EVC: variants seen among roughly 807,000 people sequenced by gnomAD.
EVC encodes the protein EvC ciliary complex subunit 1, also known as evC complex member EVC.
EVC carries 116 observed loss-of-function variants against 118.9 expected under a neutral mutation model. The observed-to-expected ratio is 0.98, with a 90% CI of 0.84 to 1.14. The LOEUF is 1.14. Among genes scored for constraint, EVC ranks in the 50% most tolerant of loss-of-function variants. The pLI is 0.00. For synonymous variants in EVC, 619 were observed against 534.7 expected, an observed-to-expected ratio of 1.16 and a Z score of -2.18; for missense variants, 1,401 against 1,246.4, an observed-to-expected ratio of 1.12 and a Z score of -1.87.
At chr4:5,821,647 C>T in the EVC span, 1 of 979,624 alleles carries the variant, frequency 1.0e-6, no homozygotes, top group Admixed American at 2.3e-5. This position sits in a 1 kb window ranked among gnomAD's most constrained non-coding sequence, Gnocchi z 4.4. Context: ...CCTTCGACTT[C>T]CCCCTCCCTC....
rs369785566 is a variant in EVC at position 5,731,565 on chromosome 4, A to G, written c.525A>G (p.Ser175=). Residue 175 remains serine (S), a synonymous_variant, in exon 4 of 21, where the codon TCA becomes TCG. Coordinates refer to ENST00000264956, the MANE Select transcript of EVC (RefSeq NM_153717.3). The surrounding 1 kb of genome is among the most constrained non-coding windows in gnomAD (Gnocchi z 5.6). ...SQGEKDDCSS[S]SSVHSATSDD... Reference sequence around the variant, plus strand: ...GTGAGAAGGACGACTGCAGCTCCTCATCCAGCGTCCACTCGGCCACCAGCG... The same window carrying G: ...GTGAGAAGGACGACTGCAGCTCCTCGTCCAGCGTCCACTCGGCCACCAGCG... The G allele has an allele frequency of 1.9e-6, 3 of 1,613,886 alleles. No individual in the cohort carries two copies. Among genetic ancestry groups the G allele is most frequent in the African/African-American group, 1.3e-5 (1 of 74,876 alleles).
rs551627169 is a variant in EVC, at chr4:5,797,441, G to A, written c.2097+209G>A. On this transcript the variant is annotated intron_variant, in intron 14 of 20. Transcript: ENST00000264956. ...TCCCTGCTCACCATCCTGGAGGCCA[G>A]AATTCGGAGATCAGGGTGTGGGCAG... is the stretch of plus-strand genomic sequence containing the variant. 98 of 609,734 alleles carry A rather than the reference G, an allele frequency of 1.6e-4. No homozygotes were observed. The East Asian group carries it at 2.4e-3, about 15-fold the overall frequency. The allele number at this position is 609,734 out of a possible 1,614,324, so 37.8% of individuals were successfully genotyped here. A position where few individuals can be genotyped will look rare whatever the true frequency, so the allele number is the denominator to read the frequency against.
rs34541164 is a variant in EVC at position 5,749,294 on chromosome 4, T to C, written c.1098+988T>C. 0.41 allele frequency among the ~76,000 whole-genome samples: 60,971 copies of C among 148,144 alleles called. 13,374 individuals carry two copies. Among genetic ancestry groups the C allele is most frequent in the East Asian group, 0.62 (3,069 of 4,942 alleles). ...CCACATTGGAAGAAGAAGAATTGTC[T>C]TAGGCCACACATAAAATACATTAAC... On this transcript the variant is annotated intron_variant, in intron 8 of 20. Transcript: ENST00000264956. The surrounding 1 kb of genome is among the most constrained non-coding windows in gnomAD (Gnocchi z 4.4).
intron 15 of EVC, among the ~76,000 whole-genome samples, chr4:5,799,156 C>T (rs912674777): frequency 2.0e-5 from 3 of 152,132 alleles, no homozygotes; most frequent in East Asian, 3.9e-4. Context: ...GAAAGAGAGA[C>T]GTGTGCTTTC....
intron 17 of EVC, among the ~76,000 whole-genome samples, chr4:5,807,599 C>G (rs932402690): frequency 5.8e-4 from 89 of 152,226 alleles, no homozygotes; most frequent in African/African-American, 2.1e-3. Context: ...GGAGGTGGGC[C>G]CTGGGGCTCA....
intron 11 of EVC, among the ~76,000 whole-genome samples, chr4:5,758,520 T>C (rs1731527532): frequency 6.6e-6 from 1 of 152,186 alleles, no homozygotes; most frequent in Non-Finnish European, 1.5e-5. Context: ...GGGGCTCAAT[T>C]TGTCAAAGCC....
the EVC span, chr4:5,824,248 A>G: frequency 1.0e-6 from 1 of 976,024 alleles, no homozygotes; most frequent in South Asian, 4.7e-5. Flanking sequence ...TTTTCCCAGG[A>G]TGAAGCCAAT....
At chr4:5,753,661 C>T (rs1330260470) in intron 9 of EVC, 124 bp from the exon 10 acceptor site, 10 of 1,242,254 alleles carry the variant, frequency 8.0e-6, no homozygotes, top group Middle Eastern at 2.0e-4. Flanking sequence ...ACCAGCAGGG[C>T]GGGCACCATC....
chr4:5,732,130 A>C (rs1188650679), intron 4 of EVC, among the ~76,000 whole-genome samples: 1 of 143,316 alleles, frequency 7.0e-6, no homozygotes, highest in African/African-American at 2.4e-5. Flanking sequence ...CAGTTCACAA[A>C]GAATAAAGGG....
intron 12 of EVC, among the ~76,000 whole-genome samples, chr4:5,786,773 G>A (rs1391777174): frequency 2.0e-5 from 3 of 151,748 alleles, no homozygotes; most frequent in Non-Finnish European, 4.4e-5. Flanking sequence ...TCGGGAGGCT[G>A]AGGCAGGAGA....
rs1307850927 is a variant in EVC, at chr4:5,746,113, A to G, written c.939+772A>G. On this transcript the variant is annotated intron_variant, in intron 7 of 20. Transcript: ENST00000264956. The surrounding 1 kb of genome is among the most constrained non-coding windows in gnomAD (Gnocchi z 5.8). Reference sequence around the variant, plus strand: ...AAGAGGGCTGAGAGCAAGTCGAGGTAAGGTAAAGCCAGAGGGATCTGGCCA... The same window carrying G: ...AAGAGGGCTGAGAGCAAGTCGAGGTGAGGTAAAGCCAGAGGGATCTGGCCA... 2.0e-5 allele frequency among the ~76,000 whole-genome samples: 3 copies of G among 151,160 alleles called. No homozygotes were observed. Among genetic ancestry groups the G allele is most frequent in the Non-Finnish European group, 4.4e-5 (3 of 67,818 alleles).
chr4:5,767,254 T>A (rs71599820), intron 11 of EVC, among the ~76,000 whole-genome samples: 3 of 151,024 alleles, frequency 2.0e-5, no homozygotes, highest in African/African-American at 4.9e-5. Context: ...GCAGTCTGCC[T>A]GTTCTCAGAT....
chr4:5,773,989 G>A lies in EVC; in HGVS notation c.1564-9563G>A, dbSNP rs140930435. 1.4e-4 allele frequency among the ~76,000 whole-genome samples: 21 copies of A among 152,090 alleles called. No individual in the cohort carries two copies. The East Asian group carries it at 3.9e-3, about 28-fold the overall frequency. On this transcript the variant is annotated intron_variant, in intron 11 of 20. Coordinates refer to ENST00000264956, the MANE Select transcript of EVC (RefSeq NM_153717.3). ...GGAATCCCAGAAAGATCCATTCCGT[G>A]GACTCTGAACCTTCATTGGTGCATC...
At chr4:5,744,200 C>T (rs1265486800) in intron 6 of EVC, among the ~76,000 whole-genome samples, 2 of 152,216 alleles carry the variant, frequency 1.3e-5, no homozygotes, top group African/African-American at 4.8e-5. Context: ...ACTGCCCCTT[C>T]CTGCCTGGGC....
In EVC at chr4:5,808,360, A is replaced by G. The variant is rs6845066; in HGVS notation, c.2688+33A>G. On this transcript the variant is annotated intron_variant, in intron 18 of 20. Transcript: ENST00000264956. ...TTACAGAACTGGACCTTCCAAAAGCAGTGGTTTAAAGAGGAGCAGAAATAG... is the reference window on the plus strand; with the variant it reads ...TTACAGAACTGGACCTTCCAAAAGCGGTGGTTTAAAGAGGAGCAGAAATAG... 4,065 of 1,614,020 alleles carry G rather than the reference A, an allele frequency of 2.5e-3. 75 individuals carry two copies. The African/African-American group carries it at 0.047, about 19-fold the overall frequency.
chr4:5,735,674 A>T (rs2151958652), intron 5 of EVC, among the ~76,000 whole-genome samples: 1 of 152,316 alleles, frequency 6.6e-6, no homozygotes, highest in Middle Eastern at 3.4e-3. Flanking sequence ...CCTGAGGTTC[A>T]GAGAGGTTAA....
intron 5 of EVC, among the ~76,000 whole-genome samples, chr4:5,736,679 G>A (rs1727744607): frequency 6.6e-6 from 1 of 152,110 alleles, no homozygotes; most frequent in African/African-American, 2.4e-5. Context: ...GGTGATCTGT[G>A]ATCAGTGACC....
intron 1 of EVC, among the ~76,000 whole-genome samples, chr4:5,716,466 C>T (rs1376643663): frequency 6.6e-6 from 1 of 152,208 alleles, no homozygotes; most frequent in Non-Finnish European, 1.5e-5. Context: ...GTCATGACTT[C>T]CTCTGGGCTC....
intron 14 of EVC, among the ~76,000 whole-genome samples, chr4:5,797,844 G>A (rs1714262093): frequency 6.6e-6 from 1 of 152,236 alleles, no homozygotes; most frequent in African/African-American, 2.4e-5. Flanking sequence ...GACAGGTGCA[G>A]TTGTCATTGG....
Sources: gnomAD v4.1 joint callset for allele counts (sites outside exome capture counted in the v4.1 genomes callset) on GRCh38, gnomAD v4.1.1 for gene constraint, Gnocchi (gnomAD v3.1) non-coding constraint, MANE v1.5 for transcripts, NCBI Gene and HGNC (gene_info 2026-07-23, HGNC 2026-07-21) for gene names.